Variants in MICU2 observed in about 807,000 individuals in gnomAD.
MICU2 encodes calcium uptake protein 2, mitochondrial.
Under a neutral mutation model 60.4 loss-of-function variants are expected in MICU2, and 64 were observed. The ratio of observed to expected loss-of-function variants is 1.06; its 90% CI spans 0.87 to 1.31. The LOEUF (loss-of-function observed/expected upper bound fraction) is 1.31. MICU2 is among the 50% of genes most tolerant of loss of function. The probability of loss-of-function intolerance (pLI) is 0.00; values close to 1 mark genes in which losing one functional copy is unlikely to be tolerated. For synonymous variants in MICU2, 201 were observed against 175.0 expected, an observed-to-expected ratio of 1.15 and a Z score of -1.17; for missense variants, 569 against 531.0, an observed-to-expected ratio of 1.07 and a Z score of -0.70.
rs192114059 is a variant in MICU2 at position 21,593,138 on chromosome 13, C to A, written c.210+10801G>T. Among the ~76,000 whole-genome samples, 830 of 152,214 alleles carry A rather than the reference C, an allele frequency of 5.5e-3. 8 individuals carry two copies. The highest frequency in any genetic ancestry group is 0.025 in the East Asian group (130 of 5,172). ...AAATCGCATCATCTCAGCCCAAAAA[C>A]TTCTTGAGCTGATAAGCAACTTCAG... On this transcript the variant is annotated intron_variant, in intron 1 of 11. Transcript: ENST00000382374.
intron 1 of MICU2, among the ~76,000 whole-genome samples, chr13:21,582,320 A>T (rs1888365145): frequency 6.6e-6 from 1 of 152,222 alleles, no homozygotes; most frequent in African/African-American, 2.4e-5. Flanking sequence ...AACAGTAACT[A>T]GTCTTCTCAA....
In MICU2 at chr13:21,513,354, A is replaced by G. The variant is rs77442649; in HGVS notation, c.663+999T>C. 1.9e-4 allele frequency among the ~76,000 whole-genome samples: 29 copies of G among 152,252 alleles called. 1 individual carries two copies. The East Asian group carries it at 3.7e-3, about 19-fold the overall frequency. On this transcript the variant is annotated intron_variant, in intron 7 of 11. Transcript: ENST00000382374. Reference sequence around the variant, plus strand: ...GGGAAAAGAATTCAGTCTTTCATCAATAAGTATGTTAGCTGTAGGTTTTTT... The same window carrying G: ...GGGAAAAGAATTCAGTCTTTCATCAGTAAGTATGTTAGCTGTAGGTTTTTT...
At chr13:21,530,657 AAAAAAT>A (rs1272646697) in intron 4 of MICU2, 9 of 317,884 alleles carry the variant, frequency 2.8e-5, no homozygotes, top group South Asian at 1.6e-4. Flanking sequence ...CTGAAAGTTA[AAAAAAT>A]AAAAATAAAA....
chr13:21,587,585 T>C (rs1294027920), intron 1 of MICU2, among the ~76,000 whole-genome samples: 1 of 152,214 alleles, frequency 6.6e-6, no homozygotes, highest in Admixed American at 6.5e-5. Context: ...GCTTTAAAAC[T>C]GCAAATGCAA....
At chr13:21,544,214 A>C (rs1593336353) in intron 2 of MICU2, among the ~76,000 whole-genome samples, 1 of 152,336 alleles carries the variant, frequency 6.6e-6, no homozygotes, top group South Asian at 2.1e-4. Flanking sequence ...AACCACTTTA[A>C]GAAAACAGGT....
At chr13:21,588,650 G>T (rs1167145347) in intron 1 of MICU2, among the ~76,000 whole-genome samples, 2 of 152,186 alleles carry the variant, frequency 1.3e-5, no homozygotes, top group African/African-American at 4.8e-5. Flanking sequence ...ATGTGTGGTG[G>T]TATTGTGGTG....
At chr13:21,538,952 T>C (rs2137999638) in intron 4 of MICU2, among the ~76,000 whole-genome samples, 1 of 152,296 alleles carries the variant, frequency 6.6e-6, no homozygotes, top group South Asian at 2.1e-4. Flanking sequence ...TAACACTTTC[T>C]CTGCTTGGCT....
At chr13:21,587,081 T>G (rs958394540) in intron 1 of MICU2, among the ~76,000 whole-genome samples, 2 of 152,124 alleles carry the variant, frequency 1.3e-5, no homozygotes, top group Non-Finnish European at 1.5e-5. Flanking sequence ...CAAGACTTGG[T>G]TGCACCCTCT....
At chr13:21,527,801 G>A (rs1165848406) in intron 4 of MICU2, among the ~76,000 whole-genome samples, 3 of 152,160 alleles carry the variant, frequency 2.0e-5, no homozygotes, top group East Asian at 1.9e-4. Flanking sequence ...CTCTCCTCAC[G>A]TCAGACAACC....
chr13:21,550,979 T>C (rs559563185), intron 2 of MICU2, among the ~76,000 whole-genome samples: 2 of 152,334 alleles, frequency 1.3e-5, no homozygotes, highest in East Asian at 3.9e-4. Context: ...GTTATTCACT[T>C]ATGTGTGTGG....
At chr13:21,501,323 C>T (rs932205451) in intron 9 of MICU2, among the ~76,000 whole-genome samples, 13 of 151,520 alleles carry the variant, frequency 8.6e-5, no homozygotes, top group South Asian at 4.2e-4. Context: ...AGTGCAGTGG[C>T]GCAATCTCAG....
At chr13:21,535,828 ATATCT>A (rs1441437799) in intron 4 of MICU2, among the ~76,000 whole-genome samples, 1 of 152,192 alleles carries the variant, frequency 6.6e-6, no homozygotes, top group Non-Finnish European at 1.5e-5. Context: ...AATGTTTAAA[ATATCT>A]TATTTTATTA....
chr13:21,551,676 G>A (rs1046098527), intron 2 of MICU2, among the ~76,000 whole-genome samples: 3 of 147,298 alleles, frequency 2.0e-5, no homozygotes, highest in Non-Finnish European at 3.0e-5. Flanking sequence ...CTATGAGTGA[G>A]AACATGCAGT....
At chr13:21,500,652 T>C (rs1251790275) in intron 9 of MICU2, among the ~76,000 whole-genome samples, 2 of 151,772 alleles carry the variant, frequency 1.3e-5, no homozygotes, top group African/African-American at 2.4e-5. Flanking sequence ...CTCCTGACCT[T>C]GAGAGAGCCA....
chr13:21,560,288 T>C (rs1313625992), intron 2 of MICU2, among the ~76,000 whole-genome samples: 3 of 152,198 alleles, frequency 2.0e-5, no homozygotes, highest in Admixed American at 6.5e-5. Context: ...TGAAAAATGT[T>C]TGCTTGTTTT....
chr13:21,524,947 G>T (rs1027583821), intron 4 of MICU2, among the ~76,000 whole-genome samples: 1 of 152,134 alleles, frequency 6.6e-6, no homozygotes, highest in African/African-American at 2.4e-5. Context: ...GCATATGTCA[G>T]CATATCCTTC....
At chr13:21,566,052 T>C (rs765419045) in intron 2 of MICU2, among the ~76,000 whole-genome samples, 1 of 152,192 alleles carries the variant, frequency 6.6e-6, no homozygotes, top group Non-Finnish European at 1.5e-5. Context: ...TTATTGTCCC[T>C]AGAATACACC....
At chr13:21,543,414 C>G (rs980331783) in intron 2 of MICU2, among the ~76,000 whole-genome samples, 11 of 152,076 alleles carry the variant, frequency 7.2e-5, no homozygotes, top group Admixed American at 2.6e-4. Context: ...TGATCTTATA[C>G]ATAGAAAAAC....
At chr13:21,528,132 ACTT>A (rs963415383) in intron 4 of MICU2, among the ~76,000 whole-genome samples, 18 of 152,280 alleles carry the variant, frequency 1.2e-4, no homozygotes, top group African/African-American at 3.1e-4. Flanking sequence ...GTAAACTACA[ACTT>A]CTTCTTCCTT....
Sources: allele counts gnomAD v4.1 joint callset (sites outside exome capture counted in the v4.1 genomes callset), GRCh38; gene constraint gnomAD v4.1.1; transcripts MANE v1.5; gene names NCBI Gene and HGNC (gene_info 2026-07-23, HGNC 2026-07-21).